The following CABLES1 variants were observed in gnomAD, a reference collection of about 807,000 sequenced individuals.
The protein encoded by CABLES1 is CDK5 and ABL1 enzyme substrate 1.
Under a neutral mutation model 57.8 loss-of-function variants are expected in CABLES1, and 36 were observed. That is an observed-to-expected ratio of 0.62 (90% CI 0.48 to 0.82). The LOEUF (loss-of-function observed/expected upper bound fraction) is 0.82. Ranked by LOEUF, CABLES1 falls within the 40% of genes least tolerant of loss-of-function variation. The pLI is 0.00. For synonymous variants in CABLES1, 374 were observed against 363.0 expected, an observed-to-expected ratio of 1.03 and a Z score of -0.35; for missense variants, 767 against 836.6, an observed-to-expected ratio of 0.92 and a Z score of 1.03.
intron 4 of CABLES1, chr18:23,219,151 A>G (rs955787326): frequency 1.3e-5 from 6 of 453,910 alleles, no homozygotes; most frequent in Admixed American, 1.2e-4. Context: ...GTGAGCACCT[A>G]CTGTGTGCTG....
intron 1 of CABLES1, among the ~76,000 whole-genome samples, chr18:23,167,894 GGCGCTCGCGCCCTTCGGTTCAT>G (rs1414428717): frequency 2.0e-5 from 3 of 152,244 alleles, no homozygotes; most frequent in African/African-American, 4.8e-5. Context: ...AGGGCATGCA[GGCGCTCGCGCCCTTCGGTTCAT>G]GCACACGCTT....
At chr18:23,220,667 C>T (rs995472999) in intron 4 of CABLES1, among the ~76,000 whole-genome samples, 3 of 152,054 alleles carry the variant, frequency 2.0e-5, no homozygotes, top group Non-Finnish European at 2.9e-5. Context: ...AGATGGAGCT[C>T]GGAGGTCACA....
chr18:23,170,883 G>A (rs1321470332), intron 1 of CABLES1, among the ~76,000 whole-genome samples: 2 of 152,118 alleles, frequency 1.3e-5, no homozygotes, highest in East Asian at 1.9e-4. Flanking sequence ...TGCAACCTCC[G>A]CCTCCCAGGC....
At chr18:23,165,913 T>C (rs1288457994) in intron 1 of CABLES1, among the ~76,000 whole-genome samples, 1 of 152,158 alleles carries the variant, frequency 6.6e-6, no homozygotes, top group East Asian at 1.9e-4. Context: ...ATGGCTGACT[T>C]GAATGCAGTG....
At chr18:23,225,583 C>T (rs1243068632) in intron 4 of CABLES1, among the ~76,000 whole-genome samples, 6 of 152,200 alleles carry the variant, frequency 3.9e-5, no homozygotes, top group African/African-American at 1.4e-4. Context: ...GTAACTGTAA[C>T]ATCAAACCTT....
intron 1 of CABLES1, among the ~76,000 whole-genome samples, chr18:23,148,838 A>G (rs2046909594): frequency 6.6e-6 from 1 of 152,224 alleles, no homozygotes; most frequent in Non-Finnish European, 1.5e-5. Flanking sequence ...AGGTGTGAGC[A>G]GAGCTGGATT....
chr18:23,231,179 A>G (rs2047564921), intron 4 of CABLES1, among the ~76,000 whole-genome samples: 1 of 152,224 alleles, frequency 6.6e-6, no homozygotes, highest in Non-Finnish European at 1.5e-5. Context: ...ATCTATGACT[A>G]TATTATCTTG....
At chr18:23,151,015 GTTTTTT>G (rs56227106) in intron 1 of CABLES1, among the ~76,000 whole-genome samples, 2 of 94,838 alleles carry the variant, frequency 2.1e-5, no homozygotes, top group Non-Finnish European at 4.6e-5. Flanking sequence ...CCTGGCCTAC[GTTTTTT>G]TTTTTTTTTT....
chr18:23,214,129 C>A (rs747145575), intron 4 of CABLES1, 75 bp downstream of exon 4: 1 of 1,035,754 alleles, frequency 9.7e-7, no homozygotes, highest in Middle Eastern at 2.1e-4. Context: ...TGTGGCCATC[C>A]TTTCCATTTT....
At chr18:23,236,484 C>T (rs1006323506) in intron 6 of CABLES1, among the ~76,000 whole-genome samples, 6 of 152,106 alleles carry the variant, frequency 3.9e-5, no homozygotes, top group African/African-American at 1.4e-4. Flanking sequence ...GCTGAGTTGG[C>T]GGCTGAAGGA....
chr18:23,181,522 AAAAAAG>A (rs2047166577), intron 1 of CABLES1, among the ~76,000 whole-genome samples: 1 of 150,544 alleles, frequency 6.6e-6, no homozygotes, highest in Non-Finnish European at 1.5e-5. Context: ...AAAAAAAAAA[AAAAAAG>A]ATGCCCACTA....
chr18:23,155,476 A>C (rs1408010479), intron 1 of CABLES1, among the ~76,000 whole-genome samples: 1 of 152,240 alleles, frequency 6.6e-6, no homozygotes. Context: ...TGTAAATGGC[A>C]ATTAACAGAA....
At chr18:23,216,164 A>G (rs2047440588) in intron 4 of CABLES1, among the ~76,000 whole-genome samples, 3 of 152,154 alleles carry the variant, frequency 2.0e-5, no homozygotes, top group South Asian at 4.1e-4. Context: ...CTTGTCTTTG[A>G]AGTGTCCATA....
rs146657013 is a variant in CABLES1 at position 23,146,144 on chromosome 18, A to C, written c.845+9537A>C. 2.5e-3 allele frequency among the ~76,000 whole-genome samples: 388 copies of C among 152,388 alleles called. 2 individuals are homozygous for C. Among genetic ancestry groups the C allele is most frequent in the African/African-American group, 8.7e-3 (364 of 41,604 alleles). ...TACTCATTGACCAAATTATTTATAAAGCAAAATGTCTACTTCGATAGTTTT... is the reference window on the plus strand; with the variant it reads ...TACTCATTGACCAAATTATTTATAACGCAAAATGTCTACTTCGATAGTTTT... On this transcript the variant is annotated intron_variant, in intron 1 of 9. Transcript: ENST00000256925.
intron 9 of CABLES1, 190 bp from the exon 10 acceptor site, chr18:23,257,037 C>T: frequency 1.6e-6 from 1 of 606,806 alleles, no homozygotes; most frequent in African/African-American, 1.9e-5. Context: ...GGGAAAGGAG[C>T]AGCTCCTTCA....
intron 1 of CABLES1, among the ~76,000 whole-genome samples, chr18:23,146,889 T>G (rs1314536386): frequency 6.6e-6 from 1 of 152,192 alleles, no homozygotes; most frequent in Non-Finnish European, 1.5e-5. Flanking sequence ...CTGTAGAATT[T>G]TATTCTCCTT....
intron 1 of CABLES1, among the ~76,000 whole-genome samples, chr18:23,148,059 G>A (rs191648507): frequency 7.3e-5 from 10 of 136,456 alleles, no homozygotes; most frequent in African/African-American, 2.5e-4. Flanking sequence ...GCGTGATCTC[G>A]GCTTACTGCA....
chr18:23,156,422 C>T lies in CABLES1; in HGVS notation c.845+19815C>T, dbSNP rs536184350. On this transcript the variant is annotated intron_variant, in intron 1 of 9. Coordinates refer to ENST00000256925, the MANE Select transcript of CABLES1 (RefSeq NM_001100619.3). ...CACCAAGATTGTGTGTTTCCTGTTT[C>T]GCTTCAGGACCCTGGACGTCAGTGC... 2.4e-3 allele frequency among the ~76,000 whole-genome samples: 362 copies of T among 152,336 alleles called. 3 individuals carry two copies. The highest frequency in any genetic ancestry group is 7.9e-3 in the African/African-American group (329 of 41,582).
At chr18:23,208,332 G>C (rs772897106) in intron 3 of CABLES1, among the ~76,000 whole-genome samples, 10 of 152,172 alleles carry the variant, frequency 6.6e-5, no homozygotes, top group Non-Finnish European at 1.3e-4. Context: ...CCCCCCAATA[G>C]CTCATGAGCA....
Sources: allele counts gnomAD v4.1 joint callset (sites outside exome capture counted in the v4.1 genomes callset), GRCh38; gene constraint gnomAD v4.1.1; transcripts MANE v1.5; gene names NCBI Gene and HGNC (gene_info 2026-07-23, HGNC 2026-07-21).